Variants in QRICH1 observed in about 807,000 individuals in gnomAD.
QRICH1 encodes glutamine rich 1.
QRICH1 carries 16 observed loss-of-function variants against 87.1 expected under a neutral mutation model. The ratio of observed to expected loss-of-function variants is 0.18; its 90% confidence interval spans 0.12 to 0.28. The LOEUF (loss-of-function observed/expected upper bound fraction) is 0.28. QRICH1 is among the 10% of genes least tolerant of loss of function. The pLI is 1.00. For missense variants in QRICH1, 647 were observed against 951.7 expected (o/e 0.68, Z 4.21); for synonymous variants, 367 against 368.4 (o/e 1.00, Z 0.05).
At chr3:49,076,379 C>T (rs2041951396) in intron 2 of QRICH1, among the ~76,000 whole-genome samples, 1 of 152,138 alleles carries the variant, frequency 6.6e-6, no homozygotes, top group Admixed American at 6.6e-5. Flanking sequence ...AAAGGTGGCG[C>T]CCCCTCACTC....
chr3:49,074,785 T>G (rs1006314755), intron 2 of QRICH1, among the ~76,000 whole-genome samples: 3 of 151,302 alleles, frequency 2.0e-5, no homozygotes, highest in African/African-American at 7.3e-5. Context: ...GAGACCATCC[T>G]GGCTAACATG....
chr3:49,067,828 C>CA (rs1434658579), intron 2 of QRICH1, among the ~76,000 whole-genome samples: 2 of 150,936 alleles, frequency 1.3e-5, no homozygotes, highest in African/African-American at 2.4e-5. Context: ...CCTAAAAATA[C>CA]AAAAAAAATT....
chr3:49,093,916 C>CGACGTCACT lies in QRICH1; in HGVS notation c.-35_-27dup. ...CACCCGCACTGGAGCCCTCACCCGG[C>CGACGTCACT]GACGTCACTGCCGCCGCCGCCGCCG... is the stretch of plus-strand genomic sequence containing the variant. On this transcript the variant is annotated 5_prime_UTR_variant, in exon 1 of 10. Coordinates refer to ENST00000395443, the MANE Select transcript of QRICH1 (RefSeq NM_198880.3). 2.5e-6 allele frequency: 1 copy of CGACGTCACT among 398,360 alleles called. No homozygotes were observed. The highest frequency in any genetic ancestry group is 1.2e-4 in the South Asian group (1 of 8,064). The allele number at this position is 398,360 out of a possible 1,614,324, so 24.7% of individuals were successfully genotyped here.
intron 1 of QRICH1, among the ~76,000 whole-genome samples, chr3:49,081,736 A>T (rs2042064671): frequency 6.6e-6 from 1 of 152,072 alleles, no homozygotes; most frequent in Admixed American, 6.6e-5. Flanking sequence ...CCTGGGCTCA[A>T]GAGATCTGCC....
chr3:49,032,865 T>G (rs930758846), intron 7 of QRICH1, 92 bp from the exon 8 acceptor site: 11 of 1,432,238 alleles, frequency 7.7e-6, no homozygotes, highest in Non-Finnish European at 1.0e-5. Flanking sequence ...GAGGAGCCAC[T>G]GCCCACATTC....
At chr3:49,040,386 T>C (rs1311520238) in intron 6 of QRICH1, among the ~76,000 whole-genome samples, 4 of 152,170 alleles carry the variant, frequency 2.6e-5, no homozygotes, top group African/African-American at 9.7e-5. Flanking sequence ...GGTGGGAGGA[T>C]AGCTGGAGCC....
chr3:49,039,618 C>CAAA (rs899570014), intron 6 of QRICH1, among the ~76,000 whole-genome samples: 50 of 16,288 alleles, frequency 3.1e-3, no homozygotes, highest in Non-Finnish European at 3.9e-3. Context: ...GACTCCATCT[C>CAAA]AAAAAAAAAA....
At chr3:49,088,327 T>C (rs541811691) in intron 1 of QRICH1, among the ~76,000 whole-genome samples, 1 of 151,670 alleles carries the variant, frequency 6.6e-6, no homozygotes, top group African/African-American at 2.4e-5. Context: ...CGAAGTCTCG[T>C]TTTCTCACCC....
At chr3:49,052,229 C>T (rs976545855) in intron 3 of QRICH1, among the ~76,000 whole-genome samples, 1 of 152,072 alleles carries the variant, frequency 6.6e-6, no homozygotes, top group African/African-American at 2.4e-5. Flanking sequence ...GGAAAGCAGA[C>T]ACAAAGATGA....
chr3:49,074,892 T>A (rs537965994), intron 2 of QRICH1, among the ~76,000 whole-genome samples: 2 of 151,928 alleles, frequency 1.3e-5, no homozygotes, highest in South Asian at 4.2e-4. Flanking sequence ...GGCAGGAGAA[T>A]GGCGTGAACC....
At chr3:49,077,948 G>A (rs770151299) in intron 1 of QRICH1, among the ~76,000 whole-genome samples, 1 of 152,138 alleles carries the variant, frequency 6.6e-6, no homozygotes, top group African/African-American at 2.4e-5. Context: ...GAATTAACCT[G>A]CAGACGTACA....
At chr3:49,069,086 A>T (rs2093484842) in intron 2 of QRICH1, among the ~76,000 whole-genome samples, 2 of 113,030 alleles carry the variant, frequency 1.8e-5, no homozygotes, top group South Asian at 6.2e-4. Flanking sequence ...TAGAAAATTT[A>T]TTATTATTAT....
intron 1 of QRICH1, among the ~76,000 whole-genome samples, chr3:49,086,133 T>TA (rs879623493): frequency 0.037 from 5,385 of 143,626 alleles, 287 homozygotes; most frequent in African/African-American, 0.11. Flanking sequence ...AGCTGCATTG[T>TA]AAAAAAAAAA....
chr3:49,090,222 G>A (rs1214013948), intron 1 of QRICH1, among the ~76,000 whole-genome samples: 1 of 152,162 alleles, frequency 6.6e-6, no homozygotes, highest in Non-Finnish European at 1.5e-5. Flanking sequence ...CACTGTGGGA[G>A]GCCGAGGCGG....
intron 3 of QRICH1, 107 bp downstream of exon 3, chr3:49,056,755 T>C (rs1205758001): frequency 9.2e-6 from 14 of 1,523,206 alleles, no homozygotes; most frequent in East Asian, 2.3e-5. Context: ...ACTGCATCAC[T>C]GTAAGAGTAA....
chr3:49,032,008 CACCTTTGGAA>C (rs1382979189), intron 9 of QRICH1, among the ~76,000 whole-genome samples, 165 bp downstream of exon 9: 3 of 152,246 alleles, frequency 2.0e-5, no homozygotes, highest in Non-Finnish European at 4.4e-5. Flanking sequence ...GCACATCACA[CACCTTTGGAA>C]AGCCAGAGCA....
At position 49,046,447 on chromosome 3, in the gene QRICH1, T is replaced by C. The variant is rs2106862882; in HGVS notation, c.1649A>G (p.Tyr550Cys). 1 of 1,613,890 alleles carries C rather than the reference T, an allele frequency of 6.2e-7. No homozygotes were observed. The highest frequency in any genetic ancestry group is 8.5e-7 in the Non-Finnish European group (1 of 1,179,960). ...TACCTTTTGAATACACAGGAAAATA[T>C]AGTAGAGCACATCTGGGTCATAGGG... ...GEPYDPDVLY[Y>C]IFLCIQKYLF... Residue 550 changes from tyrosine (Y) to cysteine (C), a missense_variant, in exon 5 of 10, where the codon TAT becomes TGT. Transcript: ENST00000395443.
At chr3:49,075,330 CAAAA>C (rs941226226) in intron 2 of QRICH1, among the ~76,000 whole-genome samples, 1 of 65,914 alleles carries the variant, frequency 1.5e-5, no homozygotes, top group Non-Finnish European at 3.2e-5. Context: ...CCCTGTCCCT[CAAAA>C]AAAAAAAAAA....
intron 8 of QRICH1, 169 bp from the exon 9 acceptor site, chr3:49,032,442 G>T (rs1005385986): frequency 1.1e-6 from 1 of 888,482 alleles, no homozygotes; most frequent in African/African-American, 1.7e-5. Flanking sequence ...CAGCTATTCT[G>T]TCTGGGGCTT....
Sources: gnomAD v4.1 joint callset for allele counts (sites outside exome capture counted in the v4.1 genomes callset) on GRCh38, gnomAD v4.1.1 for gene constraint, MANE v1.5 for transcripts, NCBI Gene and HGNC (gene_info 2026-07-23, HGNC 2026-07-21) for gene names.